NSD3: variants seen among roughly 807,000 people sequenced by gnomAD.
NSD3 encodes the protein nuclear receptor binding SET domain protein 3, also known as histone-lysine N-methyltransferase NSD3.
In NSD3, 24 loss-of-function variants were observed where a neutral mutation model predicts 160.8. That is an observed-to-expected ratio of 0.15 (90% CI 0.11 to 0.21). The LOEUF is 0.21. NSD3 is among the 10% of genes least tolerant of loss of function. The pLI, the probability that NSD3 is intolerant of heterozygous loss-of-function variation, is 1.00. For missense variants in NSD3, 1,157 were observed against 1,735.9 expected (o/e 0.67, Z 5.93); for synonymous variants, 520 against 600.0 (o/e 0.87, Z 1.95).
At chr8:38,310,464 A>T (rs538897467) in intron 12 of NSD3, among the ~76,000 whole-genome samples, 1 of 152,314 alleles carries the variant, frequency 6.6e-6, no homozygotes, top group South Asian at 2.1e-4. Context: ...ACTACTGTGA[A>T]TAATGTTGCT....
At chr8:38,374,292 AT>A (rs1344310672) in intron 1 of NSD3, among the ~76,000 whole-genome samples, 2 of 152,154 alleles carry the variant, frequency 1.3e-5, no homozygotes, top group Admixed American at 6.5e-5. Flanking sequence ...AATAAAAAAA[AT>A]AAATAAATCT....
intron 1 of NSD3, among the ~76,000 whole-genome samples, chr8:38,375,869 T>C (rs2150397571): frequency 6.6e-6 from 1 of 152,232 alleles, no homozygotes; most frequent in Non-Finnish European, 1.5e-5. Flanking sequence ...TATGGACAGA[T>C]GCCAAGTTCT....
Position 38,316,595 on chromosome 8 carries a change from C to T in NSD3, c.1856-553G>A, listed in dbSNP as rs1456108730. 1 of 1,051,764 alleles carries T rather than the reference C, an allele frequency of 9.5e-7. No homozygotes were observed. Among genetic ancestry groups the T allele is most frequent in the East Asian group, 5.5e-5 (1 of 18,324 alleles). The allele number at this position is 1,051,764 out of a possible 1,614,324, so 65.2% of individuals were successfully genotyped here. ...GTTCATAATTGTTCATCTGAGACTT[C>T]CTTGGTGAAGTGGCATTTATTGTGA... On this transcript the variant is annotated intron_variant, in intron 9 of 23. Transcript: ENST00000317025. This position sits in a 1 kb window ranked among gnomAD's most constrained non-coding sequence, Gnocchi z 4.5.
intron 19 of NSD3, among the ~76,000 whole-genome samples, chr8:38,287,030 G>C (rs1456784108): frequency 6.6e-6 from 1 of 152,162 alleles, no homozygotes; most frequent in Non-Finnish European, 1.5e-5. Context: ...TAAGGTAAGG[G>C]TTTCATGTGT....
At position 38,275,811 on chromosome 8, in the gene NSD3, G is replaced by C; in HGVS notation, c.4144C>G (p.Pro1382Ala). The C allele has an allele frequency of 6.2e-7, 1 of 1,614,142 alleles. No individual in the cohort carries two copies. The highest frequency in any genetic ancestry group is 8.5e-7 in the Non-Finnish European group (1 of 1,180,030). ...TCATGATCTTTACAAAATGAATGTG[G>C]ACAGAATTCACAGAAGGAAACAGCT... ...SAAVSFCEFCPHSFCKDHEKG... is the reference protein window; with the variant it reads ...SAAVSFCEFCAHSFCKDHEKG... The change falls in exon 24 of 24, where the codon CCA becomes GCA. Residue 1382 changes from proline (P) to alanine (A), a missense_variant. Coordinates refer to ENST00000317025, the MANE Select transcript of NSD3 (RefSeq NM_023034.2).
In NSD3 at chr8:38,289,493, G is replaced by C; in HGVS notation, c.3131C>G (p.Ala1044Gly). 4 of 1,613,276 alleles carry C rather than the reference G, an allele frequency of 2.5e-6. No homozygotes were observed. The highest frequency in any genetic ancestry group is 3.4e-6 in the Non-Finnish European group (4 of 1,179,754). The part of the protein sequence containing the change: ...NKTFKKALEE[A>G]AKRFQELKAQ... ...TTTCAATTCCTGGAAACGTTTTGCA[G>C]CTTCTTCCAGTGCTGCCAATAAGAT... Residue 1044 changes from alanine to glycine, a missense_variant, in exon 18 of 24, where the codon GCT (alanine) becomes GGT (glycine). Physicochemically the swap from Ala to Gly is moderately conservative, Grantham distance 60. Around this residue, in one of 10 missense-constraint regions of NSD3, gnomAD observed 437 missense variants for 576.6 expected, o/e 0.76. Transcript: ENST00000317025.
Position 38,272,088 on chromosome 8 carries a change from T to C in NSD3, c.*3553A>G, listed in dbSNP as rs2130973613. ...AAGTTGTCCAATAGCCTGTCCCATCTGAGGGTCCTTTACATGATTAGATAC... is the reference window on the plus strand; with the variant it reads ...AAGTTGTCCAATAGCCTGTCCCATCCGAGGGTCCTTTACATGATTAGATAC... On this transcript the variant is annotated 3_prime_UTR_variant, in exon 24 of 24. Coordinates refer to ENST00000317025, the MANE Select transcript of NSD3 (RefSeq NM_023034.2). The C allele has an allele frequency of 1.3e-5, 2 of 152,384 alleles. No homozygotes were observed. Among genetic ancestry groups the C allele is most frequent in the Middle Eastern group, 6.8e-3 (2 of 294 alleles). The allele number at this position is 152,384 out of a possible 1,614,324, so 9.4% of individuals were successfully genotyped here.
intron 4 of NSD3, among the ~76,000 whole-genome samples, chr8:38,334,493 G>A (rs1585896137): frequency 6.6e-6 from 1 of 152,224 alleles, no homozygotes; most frequent in East Asian, 1.9e-4. Context: ...AGTGGCTTAC[G>A]CCTTTAATCC....
At chr8:38,278,106 T>A (rs929084862) in intron 22 of NSD3, among the ~76,000 whole-genome samples, 200 bp downstream of exon 22, 3 of 151,934 alleles carry the variant, frequency 2.0e-5, no homozygotes, top group Admixed American at 2.0e-4. Flanking sequence ...GCCCAGCTAA[T>A]TTTTTGTATT....
intron 20 of NSD3, 22 bp downstream of exon 20, chr8:38,281,445 C>CAA (rs201055991): frequency 1.6e-4 from 157 of 981,832 alleles, no homozygotes; most frequent in South Asian, 3.1e-4. Context: ...CTTTTTCTTA[C>CAA]AAAAAAAAAA....
Position 38,273,494 on chromosome 8 carries a change from A to G in NSD3, c.*2147T>C, listed in dbSNP as rs1563338121. On this transcript the variant is annotated 3_prime_UTR_variant, in exon 24 of 24. Coordinates refer to ENST00000317025, the MANE Select transcript of NSD3 (RefSeq NM_023034.2). ...TGGCTTACCATAGAAAAGTCTTTAGATAGTAAATAGCACTAAGTCTAAAAG... is the reference window on the plus strand; with the variant it reads ...TGGCTTACCATAGAAAAGTCTTTAGGTAGTAAATAGCACTAAGTCTAAAAG... 6.6e-6 allele frequency: 1 copy of G among 152,208 alleles called. No individual in the cohort carries two copies. 9.4% of individuals were successfully genotyped at this position (152,208 alleles called of 1,614,324 possible).
rs1286541330 is a variant in NSD3 at position 38,284,332 on chromosome 8, T to C, written c.3502-2749A>G. 2.0e-5 allele frequency among the ~76,000 whole-genome samples: 3 copies of C among 152,234 alleles called. No individual in the cohort carries two copies. In the East Asian group the frequency reaches 5.8e-4, roughly 29 times the overall value. ...TGATATGATATCAAAGGGTAGCAGA[T>C]TGTATTGCCATCTTGGCTGCATTGC... On this transcript the variant is annotated intron_variant, in intron 19 of 23. Transcript: ENST00000317025.
intron 2 of NSD3, among the ~76,000 whole-genome samples, chr8:38,339,242 A>G (rs761332493): frequency 6.6e-6 from 1 of 152,150 alleles, no homozygotes; most frequent in Non-Finnish European, 1.5e-5. Flanking sequence ...TAAGATTACT[A>G]GTAAGATGTA....
intron 16 of NSD3, among the ~76,000 whole-genome samples, chr8:38,293,442 CG>C (rs1011171179): frequency 6.8e-6 from 1 of 146,692 alleles, no homozygotes. Context: ...CCCAGCTACT[CG>C]GGGGGCTGAG....
intron 2 of NSD3, among the ~76,000 whole-genome samples, chr8:38,343,514 C>T (rs1810431782): frequency 6.6e-6 from 1 of 152,144 alleles, no homozygotes; most frequent in Admixed American, 6.5e-5. Flanking sequence ...ACCAGCCTGG[C>T]CAACATAATG....
intron 6 of NSD3, 131 bp from the exon 7 acceptor site, chr8:38,326,987 G>T (rs997357742): frequency 2.1e-6 from 2 of 965,270 alleles, no homozygotes; most frequent in Non-Finnish European, 2.9e-6. Context: ...TTGCAATTAA[G>T]TTATCTTAGC....
At chr8:38,328,852 T>C (rs1809976298) in intron 6 of NSD3, among the ~76,000 whole-genome samples, 2 of 152,204 alleles carry the variant, frequency 1.3e-5, no homozygotes, top group South Asian at 2.1e-4. Context: ...ACCCAAGTTA[T>C]TGCCACAGCT....
intron 1 of NSD3, among the ~76,000 whole-genome samples, chr8:38,373,055 A>C (rs1190891271): frequency 6.6e-6 from 1 of 151,718 alleles, no homozygotes; most frequent in Non-Finnish European, 1.5e-5. Context: ...CTCTCAAAAA[A>C]AAAAAAAAGA....
In NSD3 at chr8:38,282,951, C is replaced by T. The variant is rs549047419; in HGVS notation, c.3502-1368G>A. Among the ~76,000 whole-genome samples the T allele has an allele frequency of 2.6e-5, 4 of 152,296 alleles. No individual in the cohort carries two copies. In the East Asian group the frequency reaches 5.8e-4, roughly 22 times the overall value. ...ATTCTGGTGAAAGTTTTCGTGTGGA[C>T]ATAGATTTTCATTTTCCTGGATAAA... On this transcript the variant is annotated intron_variant, in intron 19 of 23. Transcript: ENST00000317025.
Sources: gnomAD v4.1 joint callset for allele counts (sites outside exome capture counted in the v4.1 genomes callset) on GRCh38, gnomAD v4.1.1 for gene constraint, gnomAD v4.1.1 regional missense constraint, Gnocchi (gnomAD v3.1) non-coding constraint, MANE v1.5 for transcripts, NCBI Gene and HGNC (gene_info 2026-07-23, HGNC 2026-07-21) for gene names.